Variants in DGKD observed in about 807,000 individuals in gnomAD.
The protein encoded by DGKD is diacylglycerol kinase delta, also known as DAG kinase delta.
In DGKD, 68 loss-of-function variants were observed where a neutral mutation model predicts 154.4. That is an observed-to-expected ratio of 0.44 (90% CI 0.36 to 0.54). The LOEUF is 0.54. DGKD is among the 20% of genes least tolerant of loss of function. The pLI is 0.00. For missense variants in DGKD, 1,343 were observed against 1,593.6 expected, an observed-to-expected ratio of 0.84 and a Z score of 2.68; for synonymous variants, 693 against 638.0, an observed-to-expected ratio of 1.09 and a Z score of -1.30.
At chr2:233,405,696 A>G (rs996152261) in intron 3 of DGKD, among the ~76,000 whole-genome samples, 1 of 152,114 alleles carries the variant, frequency 6.6e-6, no homozygotes. Flanking sequence ...CAGATGCCGC[A>G]CCATGCTCTT....
chr2:233,463,416 C>T (rs1459173256), intron 26 of DGKD, among the ~76,000 whole-genome samples: 6 of 145,644 alleles, frequency 4.1e-5, no homozygotes, highest in African/African-American at 7.8e-5. Context: ...CACGCATCTC[C>T]TCACTCCACG....
intron 3 of DGKD, among the ~76,000 whole-genome samples, chr2:233,393,684 T>G (rs1703795422): frequency 8.2e-6 from 1 of 121,670 alleles, no homozygotes; most frequent in South Asian, 2.7e-4. Context: ...TGTGTATTGG[T>G]TTTTTTTTTT....
chr2:233,422,546 G>A (rs1306155572), intron 3 of DGKD, among the ~76,000 whole-genome samples: 1 of 152,152 alleles, frequency 6.6e-6, no homozygotes. Flanking sequence ...AGGTGTGTCG[G>A]CTGTGTCCAC....
intron 3 of DGKD, among the ~76,000 whole-genome samples, chr2:233,414,776 T>C (rs2061918504): frequency 6.6e-6 from 1 of 152,130 alleles, no homozygotes; most frequent in African/African-American, 2.4e-5. Flanking sequence ...AGAGTTAGTT[T>C]TGGGGGAGAG....
rs1371095766 is a variant in DGKD at position 233,459,377 on chromosome 2, C to T, written c.2695-380C>T. The stretch of plus-strand genomic sequence containing the variant: ...GGAGGAACGGGATGATGATGGATGG[C>T]TCATCGTCATCCACTGTGCCATCTG... On this transcript the variant is annotated intron_variant, in intron 22 of 29. Transcript: ENST00000264057. The surrounding 1 kb of genome is among the most constrained non-coding windows in gnomAD (Gnocchi z 5.7). Among the ~76,000 whole-genome samples the T allele has an allele frequency of 6.6e-6, 1 of 152,194 alleles. No individual in the cohort carries two copies. The highest frequency in any genetic ancestry group is 1.5e-5 in the Non-Finnish European group (1 of 68,036).
At chr2:233,379,349 G>A (rs185326841) in intron 1 of DGKD, among the ~76,000 whole-genome samples, 126 of 152,270 alleles carry the variant, frequency 8.3e-4, no homozygotes, top group Non-Finnish European at 1.2e-3. Context: ...AAAAGGAGTT[G>A]GTTGTGTTTG....
chr2:233,437,254 C>A, intron 7 of DGKD, 123 bp from the exon 8 acceptor site: 1 of 869,184 alleles, frequency 1.2e-6, no homozygotes, highest in Non-Finnish European at 1.9e-6. Context: ...TGGTAGCAGG[C>A]CAGCCCAGCT....
chr2:233,460,741 A>T (rs909160933), intron 24 of DGKD, among the ~76,000 whole-genome samples: 3 of 152,032 alleles, frequency 2.0e-5, no homozygotes, highest in Non-Finnish European at 2.9e-5. Flanking sequence ...ATACAAAAAA[A>T]TTTAGCTGGG....
rs1467263438 is a variant in DGKD at position 233,450,950 on chromosome 2, C to G, written c.2067C>G (p.Ile689Met). Residue 689 changes from isoleucine (I) to methionine (M), a missense_variant, in exon 17 of 30, where the codon ATC becomes ATG. By Grantham distance (10) the Ile-to-Met change is conservative (BLOSUM62 1). Transcript: ENST00000264057. Reference protein sequence around the residue: ...KVSKSPCEKLISKGSLSLGSS... With the variant: ...KVSKSPCEKLMSKGSLSLGSS... ...CGAAATCTCCGTGTGAAAAGCTGAT[C>G]AGCAAAGGGAGTCTGTCCCTAGGCA... 6.2e-7 allele frequency: 1 copy of G among 1,608,280 alleles called. No homozygotes were observed.
intron 10 of DGKD, among the ~76,000 whole-genome samples, chr2:233,443,299 A>C (rs545798811): frequency 9.4e-4 from 143 of 152,280 alleles, no homozygotes; most frequent in Middle Eastern, 3.4e-3. Context: ...GTTTTAAATA[A>C]ATCACCTGTT....
chr2:233,458,078 A>G lies in DGKD; in HGVS notation c.2581-206A>G, dbSNP rs73995975. 0.036 allele frequency among the ~76,000 whole-genome samples: 5,415 copies of G among 152,194 alleles called. 330 individuals carry two copies. The highest frequency in any genetic ancestry group is 0.12 in the African/African-American group (5,116 of 41,488). Reference sequence around the variant, plus strand: ...GAGGAAATGGGGGAGAGAGAGATTCAGTAACTTTGCCGAGATGAGAGCTGG... The same window carrying G: ...GAGGAAATGGGGGAGAGAGAGATTCGGTAACTTTGCCGAGATGAGAGCTGG... On this transcript the variant is annotated intron_variant, in intron 21 of 29. Coordinates refer to ENST00000264057, the MANE Select transcript of DGKD (RefSeq NM_152879.3). The surrounding 1 kb of genome is among the most constrained non-coding windows in gnomAD (Gnocchi z 6.6).
At chr2:233,364,683 G>T (rs571838036) in intron 1 of DGKD, among the ~76,000 whole-genome samples, 1 of 152,276 alleles carries the variant, frequency 6.6e-6, no homozygotes, top group African/African-American at 2.4e-5. Flanking sequence ...TTCTAAATCT[G>T]AAAGAAGGCA....
intron 3 of DGKD, among the ~76,000 whole-genome samples, chr2:233,407,164 C>A (rs531657713): frequency 1.3e-4 from 20 of 152,304 alleles, no homozygotes; most frequent in Non-Finnish European, 2.8e-4. Flanking sequence ...CTAATCTCCA[C>A]CACCAGTCAT....
rs752773404 is a variant in DGKD at position 233,449,801 on chromosome 2, C to T, written c.1889-181C>T. ...CCAGCCTGTTAGCAGGGACGCCCTG[C>T]CCCAGTGCCAGGACCAGGGGGAAGA... On this transcript the variant is annotated intron_variant, in intron 15 of 29. Transcript: ENST00000264057. This position sits in a 1 kb window ranked among gnomAD's most constrained non-coding sequence, Gnocchi z 5.3. 1.3e-5 allele frequency among the ~76,000 whole-genome samples: 2 copies of T among 152,196 alleles called. No homozygotes were observed. The highest frequency in any genetic ancestry group is 2.9e-5 in the Non-Finnish European group (2 of 68,030).
At chr2:233,465,449 CAG>C (rs2063795357) in intron 27 of DGKD, among the ~76,000 whole-genome samples, 1 of 152,118 alleles carries the variant, frequency 6.6e-6, no homozygotes, top group African/African-American at 2.4e-5. Flanking sequence ...TGGAGAAATA[CAG>C]AGTCAATAAT....
chr2:233,405,203 G>T (rs770728576), intron 3 of DGKD, among the ~76,000 whole-genome samples: 1 of 152,372 alleles, frequency 6.6e-6, no homozygotes, highest in Middle Eastern at 3.4e-3. Flanking sequence ...CAGTGCAACA[G>T]TATTGAGAGG....
rs882428 is a variant in DGKD at position 233,471,477 on chromosome 2, A to G, written c.*2017A>G. The G allele has an allele frequency of 0.5, 75,497 of 152,094 alleles. 20,008 individuals carry two copies. Among genetic ancestry groups the G allele is most frequent in the African/African-American group, 0.69 (28,633 of 41,456 alleles). 9.4% of individuals were successfully genotyped at this position (152,094 alleles called of 1,614,324 possible). A position where few individuals can be genotyped will look rare whatever the true frequency, so the allele number is the denominator to read the frequency against. ...GACCATTGGCCCTGCTGGCCTGGCG[A>G]TGTGGGCATCCTGGGGTTCTTAGGG... On this transcript the variant is annotated 3_prime_UTR_variant, in exon 30 of 30. Coordinates refer to ENST00000264057, the MANE Select transcript of DGKD (RefSeq NM_152879.3).
intron 3 of DGKD, among the ~76,000 whole-genome samples, chr2:233,400,149 A>G (rs1454556783): frequency 2.0e-5 from 3 of 152,208 alleles, no homozygotes; most frequent in Non-Finnish European, 4.4e-5. Flanking sequence ...GACTGACTTC[A>G]TGGTGGCTGG....
chr2:233,463,863 A>G (rs891549554), intron 26 of DGKD: 2 of 383,888 alleles, frequency 5.2e-6, no homozygotes, highest in African/African-American at 2.0e-5. Flanking sequence ...CCACTGCTTG[A>G]CACAGGTGAA....
Sources: allele counts gnomAD v4.1 joint callset (sites outside exome capture counted in the v4.1 genomes callset), GRCh38; gene constraint gnomAD v4.1.1; non-coding constraint Gnocchi (gnomAD v3.1); transcripts MANE v1.5; gene names NCBI Gene and HGNC (gene_info 2026-07-23, HGNC 2026-07-21).